STXBP5L: variants seen among roughly 807,000 people sequenced by gnomAD.
The protein encoded by STXBP5L is syntaxin-binding protein 5-like.
In STXBP5L, 65 loss-of-function variants were observed where a neutral mutation model predicts 144.5. The ratio of observed to expected loss-of-function variants is 0.45; its 90% CI spans 0.37 to 0.55. STXBP5L has a LOEUF of 0.55. Ranked by LOEUF, STXBP5L falls within the 20% of genes least tolerant of loss-of-function variation. The probability of loss-of-function intolerance (pLI) is 0.00; values close to 1 mark genes in which losing one functional copy is unlikely to be tolerated. For missense variants in STXBP5L, 1,298 were observed against 1,405.5 expected, an observed-to-expected ratio of 0.92 and a Z score of 1.22; for synonymous variants, 505 against 469.6, an observed-to-expected ratio of 1.08 and a Z score of -0.97.
chr3:121,226,597 C>G (rs2049131264), intron 11 of STXBP5L, among the ~76,000 whole-genome samples: 1 of 152,110 alleles, frequency 6.6e-6, no homozygotes, highest in Non-Finnish European at 1.5e-5. Context: ...GAGAGCATCC[C>G]TAGTCTGGAC....
intron 24 of STXBP5L, 43 bp from the exon 25 acceptor site, chr3:121,415,814 T>G: frequency 7.2e-7 from 1 of 1,393,626 alleles, no homozygotes. Flanking sequence ...TATTAATTGA[T>G]TTTTTAGTTG....
At chr3:121,393,374 C>T (rs2108712966) in intron 22 of STXBP5L, among the ~76,000 whole-genome samples, 1 of 152,194 alleles carries the variant, frequency 6.6e-6, no homozygotes, top group South Asian at 2.1e-4. Context: ...TCCCATTCCT[C>T]AAGTTGTTTA....
At chr3:121,355,145 G>A (rs751203972) in intron 20 of STXBP5L, among the ~76,000 whole-genome samples, 11 of 152,132 alleles carry the variant, frequency 7.2e-5, no homozygotes, top group Non-Finnish European at 1.5e-4. Context: ...CAACTTTGGT[G>A]AATCTGACAA....
intron 11 of STXBP5L, among the ~76,000 whole-genome samples, chr3:121,230,845 G>A (rs973030134): frequency 2.0e-5 from 3 of 152,164 alleles, no homozygotes; most frequent in African/African-American, 7.2e-5. Context: ...CGTGGCTGAA[G>A]CCCCTTACTG....
chr3:121,398,267 C>T (rs1022315585), intron 22 of STXBP5L, among the ~76,000 whole-genome samples: 1 of 152,214 alleles, frequency 6.6e-6, no homozygotes, highest in Admixed American at 6.5e-5. Flanking sequence ...ATCCTATTGT[C>T]CCCGCTGGCA....
intron 7 of STXBP5L, among the ~76,000 whole-genome samples, chr3:121,136,372 C>G (rs2045258039): frequency 6.6e-6 from 1 of 152,182 alleles, no homozygotes; most frequent in Non-Finnish European, 1.5e-5. Flanking sequence ...GCCCTGGTGT[C>G]AGTTAGGAAC....
chr3:121,116,554 T>A (rs2107833696), intron 6 of STXBP5L, among the ~76,000 whole-genome samples: 1 of 152,244 alleles, frequency 6.6e-6, no homozygotes, highest in East Asian at 1.9e-4. Flanking sequence ...AAATACTAAA[T>A]GATTGATGAC....
intron 20 of STXBP5L, among the ~76,000 whole-genome samples, chr3:121,337,202 AG>A (rs201838863): frequency 0.019 from 2,925 of 152,168 alleles, 87 homozygotes; most frequent in African/African-American, 0.066. Flanking sequence ...CCATGACATG[AG>A]TTTACTTATA....
At chr3:121,267,783 G>A (rs1559921697) in intron 18 of STXBP5L, among the ~76,000 whole-genome samples, 1 of 152,146 alleles carries the variant, frequency 6.6e-6, no homozygotes. Context: ...AGACATTTAT[G>A]CAGCCAACAA....
chr3:121,256,754 A>G (rs938689153), intron 16 of STXBP5L, among the ~76,000 whole-genome samples: 36 of 151,832 alleles, frequency 2.4e-4, no homozygotes, highest in African/African-American at 8.7e-4. Context: ...ATATGAAAAA[A>G]GTTTAATTTC....
Position 121,106,226 on chromosome 3 carries a change from T to C in STXBP5L, c.471-8699T>C, listed in dbSNP as rs145701293. ...TTGAAGAAAAACGGATGTGTGTGTA[T>C]AATCTGGGACAATACATTTTTAAAA... On this transcript the variant is annotated intron_variant, in intron 5 of 26. Transcript: ENST00000471454. Among the ~76,000 whole-genome samples the C allele has an allele frequency of 1.3e-3, 193 of 152,294 alleles. 1 individual carries two copies. Among genetic ancestry groups the C allele is most frequent in the African/African-American group, 4.5e-3 (185 of 41,548 alleles).
intron 9 of STXBP5L, among the ~76,000 whole-genome samples, chr3:121,162,761 G>A (rs1286403140): frequency 6.6e-6 from 1 of 152,080 alleles, no homozygotes; most frequent in African/African-American, 2.4e-5. Flanking sequence ...AGTAGGCAAA[G>A]AATATGAACA....
At chr3:120,923,288 C>T (rs1709447431) in intron 2 of STXBP5L, among the ~76,000 whole-genome samples, 1 of 151,780 alleles carries the variant, frequency 6.6e-6, no homozygotes, top group Admixed American at 6.6e-5. Flanking sequence ...CAAAAGCAAG[C>T]TTTTCATTTC....
At chr3:121,371,393 C>T (rs1237731565) in intron 20 of STXBP5L, among the ~76,000 whole-genome samples, 1 of 152,166 alleles carries the variant, frequency 6.6e-6, no homozygotes, top group African/African-American at 2.4e-5. Context: ...ACTAGAGGGG[C>T]CAGAGTGTCC....
At chr3:121,389,021 G>C in intron 22 of STXBP5L, among the ~76,000 whole-genome samples, 1 of 152,078 alleles carries the variant, frequency 6.6e-6, no homozygotes, top group Non-Finnish European at 1.5e-5. Context: ...ATCTGATCCT[G>C]GACTTTTTTT....
At chr3:121,044,469 G>A (rs1434326168) in intron 4 of STXBP5L, among the ~76,000 whole-genome samples, 2 of 152,128 alleles carry the variant, frequency 1.3e-5, no homozygotes, top group Admixed American at 6.6e-5. Context: ...GATTGATACT[G>A]TAAACTATGA....
intron 20 of STXBP5L, among the ~76,000 whole-genome samples, chr3:121,352,707 T>C (rs1444290904): frequency 6.6e-6 from 1 of 152,066 alleles, no homozygotes; most frequent in South Asian, 2.1e-4. Flanking sequence ...GGCCAGAACT[T>C]CCAACATTAT....
intron 23 of STXBP5L, among the ~76,000 whole-genome samples, chr3:121,412,727 CAAAAAA>C (rs35247157): frequency 2.2e-4 from 15 of 69,592 alleles, no homozygotes; most frequent in Non-Finnish European, 2.3e-4. Flanking sequence ...TTTCTCCCTC[CAAAAAA>C]AAAAAAAAAA....
intron 22 of STXBP5L, among the ~76,000 whole-genome samples, chr3:121,387,885 GCT>G (rs1331709483): frequency 6.6e-6 from 1 of 152,064 alleles, no homozygotes; most frequent in Non-Finnish European, 1.5e-5. Context: ...GGCGATGCAG[GCT>G]CTTTTTTGGT....
Sources: allele counts gnomAD v4.1 joint callset (sites outside exome capture counted in the v4.1 genomes callset), GRCh38; gene constraint gnomAD v4.1.1; transcripts MANE v1.5; gene names NCBI Gene and HGNC (gene_info 2026-07-23, HGNC 2026-07-21).